SPDYA: variants seen among roughly 807,000 people sequenced by gnomAD.
SPDYA encodes speedy/RINGO cell cycle regulator family member A, also known as speedy protein A.
A neutral mutation model predicts 36.7 loss-of-function variants in SPDYA; 11 were observed. The ratio of observed to expected loss-of-function variants is 0.30; its 90% CI spans 0.19 to 0.50. The LOEUF (loss-of-function observed/expected upper bound fraction) is 0.50. SPDYA is among the 20% of genes least tolerant of loss of function. The pLI is 0.98. For synonymous variants in SPDYA, 115 were observed against 118.7 expected, an observed-to-expected ratio of 0.97 and a Z score of 0.20; for missense variants, 287 against 370.9, an observed-to-expected ratio of 0.77 and a Z score of 1.86.
chr2:28,840,767 G>A, intron 7 of SPDYA: 1 of 1,059,442 alleles, frequency 9.4e-7, no homozygotes, highest in Non-Finnish European at 1.1e-6. Flanking sequence ...ATTCAAAAGG[G>A]TTTCAAGAAG....
At chr2:28,840,001 G>A (rs1258366495) in intron 6 of SPDYA, among the ~76,000 whole-genome samples, 171 bp from the exon 7 acceptor site, 1 of 152,062 alleles carries the variant, frequency 6.6e-6, no homozygotes, top group Non-Finnish European at 1.5e-5. Context: ...CAAGCAATGA[G>A]TCACTTTTTA....
At chr2:28,826,720 T>G (rs1668333089) in intron 5 of SPDYA, among the ~76,000 whole-genome samples, 1 of 135,696 alleles carries the variant, frequency 7.4e-6, no homozygotes. Flanking sequence ...GATCAAGGGA[T>G]CCTCCCACCT....
intron 6 of SPDYA, among the ~76,000 whole-genome samples, chr2:28,831,236 T>C (rs748030874): frequency 1.5e-4 from 23 of 152,116 alleles, no homozygotes; most frequent in Admixed American, 3.3e-4. Flanking sequence ...TGCACACCTG[T>C]AGTCCCAGCT....
rs994637736 is a variant in SPDYA, at chr2:28,811,717, G to A, written c.-93+770G>A. On this transcript the variant is annotated intron_variant, in intron 1 of 7. Transcript: ENST00000334056. The surrounding 1 kb of genome is among the most constrained non-coding windows in gnomAD (Gnocchi z 4.2). ...CGCACTTGTAATCCCAGCTACTTGGGAGGCTGAGGCGGGAGAATCGCTTGA... is the reference window on the plus strand; with the variant it reads ...CGCACTTGTAATCCCAGCTACTTGGAAGGCTGAGGCGGGAGAATCGCTTGA... 1.3e-5 allele frequency among the ~76,000 whole-genome samples: 2 copies of A among 152,104 alleles called. No homozygotes were observed. The highest frequency in any genetic ancestry group is 2.9e-5 in the Non-Finnish European group (2 of 68,020).
chr2:28,848,707 A>G (rs1280769969), intron 7 of SPDYA, among the ~76,000 whole-genome samples: 1 of 152,214 alleles, frequency 6.6e-6, no homozygotes, highest in Non-Finnish European at 1.5e-5. Context: ...AGATAAATCT[A>G]GGAATGGTAG....
intron 7 of SPDYA, 177 bp from the exon 8 acceptor site, chr2:28,849,673 C>G: frequency 2.0e-6 from 1 of 502,792 alleles, no homozygotes; most frequent in Non-Finnish European, 3.5e-6. Context: ...ATTCAAGAGC[C>G]TGTTACATCT....
intron 7 of SPDYA, among the ~76,000 whole-genome samples, chr2:28,846,175 CGGGCAGATCACTTGA>C (rs1330620148): frequency 6.6e-6 from 1 of 152,050 alleles, no homozygotes; most frequent in Non-Finnish European, 1.5e-5. Context: ...GAGGCTGAAG[CGGGCAGATCACTTGA>C]GGTCAGGAGC....
At chr2:28,822,444 T>A in intron 5 of SPDYA, 34 bp downstream of exon 5, 3 of 1,146,072 alleles carry the variant, frequency 2.6e-6, no homozygotes, top group Non-Finnish European at 3.8e-6. Flanking sequence ...ATTGTTGTGT[T>A]ATCTATTATA....
chr2:28,849,293 CCAAA>C (rs1259527405), intron 7 of SPDYA, among the ~76,000 whole-genome samples: 1 of 152,028 alleles, frequency 6.6e-6, no homozygotes, highest in Non-Finnish European at 1.5e-5. Context: ...AATGTATTCC[CCAAA>C]CATTTTTTTT....
rs536732892 is a variant in SPDYA at position 28,840,724 on chromosome 2, G to A, written c.850+255G>A. On this transcript the variant is annotated intron_variant, in intron 7 of 7. Coordinates refer to ENST00000334056, the MANE Select transcript of SPDYA (RefSeq NM_182756.4). ...TGCACCATAAGCCTCAGTATTTTAAGAGCCTGAATCATTTTTTTGAAATGT... is the reference window on the plus strand; with the variant it reads ...TGCACCATAAGCCTCAGTATTTTAAAAGCCTGAATCATTTTTTTGAAATGT... 44 of 1,175,884 alleles carry A rather than the reference G, an allele frequency of 3.7e-5. No homozygotes were observed. In the African/African-American group the frequency reaches 6.8e-4, roughly 18 times the overall value. 72.8% of individuals were successfully genotyped at this position (1,175,884 alleles called of 1,614,324 possible).
chr2:28,821,228 C>T (rs1668154789), intron 4 of SPDYA, among the ~76,000 whole-genome samples: 1 of 109,390 alleles, frequency 9.1e-6, no homozygotes, highest in Non-Finnish European at 1.7e-5. Context: ...GAGATGGAGT[C>T]TCACTCTGTC....
intron 7 of SPDYA, among the ~76,000 whole-genome samples, chr2:28,845,480 T>C (rs1668850309): frequency 6.6e-6 from 1 of 152,164 alleles, no homozygotes; most frequent in Non-Finnish European, 1.5e-5. Flanking sequence ...AGTCTCGATA[T>C]ATAAATTTTC....
intron 6 of SPDYA, among the ~76,000 whole-genome samples, chr2:28,831,392 T>C (rs1354912013): frequency 6.6e-6 from 1 of 152,256 alleles, no homozygotes; most frequent in African/African-American, 2.4e-5. Context: ...GAAGCAAAAA[T>C]AGCAGTATTA....
chr2:28,837,742 CT>C (rs201687264), intron 6 of SPDYA, among the ~76,000 whole-genome samples: 47,934 of 127,438 alleles, frequency 0.38, 8,322 homozygotes, highest in Middle Eastern at 0.46. Context: ...AGAGTCAGTG[CT>C]TTTTTTTTTT....
At chr2:28,821,654 C>T (rs1214026318) in intron 4 of SPDYA, among the ~76,000 whole-genome samples, 1 of 152,144 alleles carries the variant, frequency 6.6e-6, no homozygotes, top group Non-Finnish European at 1.5e-5. Context: ...ACCTTTGTGG[C>T]AAATCCTGTT....
chr2:28,845,544 GTTTC>G (rs1392852746), intron 7 of SPDYA, among the ~76,000 whole-genome samples: 2 of 151,982 alleles, frequency 1.3e-5, no homozygotes, highest in Admixed American at 6.6e-5. Context: ...ATAATATTTT[GTTTC>G]TTTCTTTGTT....
In SPDYA at chr2:28,828,158, T is replaced by C. The variant is rs963166720; in HGVS notation, c.381-990T>C. Among the ~76,000 whole-genome samples the C allele has an allele frequency of 4.6e-5, 7 of 152,132 alleles. No homozygotes were observed. In the South Asian group the frequency reaches 1.5e-3, roughly 32 times the overall value. ...CAGGCCACCACGCCCAGCTAATGTTTGTATTTTTAGGAGAGATGGGGTTTC... is the reference window on the plus strand; with the variant it reads ...CAGGCCACCACGCCCAGCTAATGTTCGTATTTTTAGGAGAGATGGGGTTTC... On this transcript the variant is annotated intron_variant, in intron 5 of 7. Transcript: ENST00000334056.
intron 6 of SPDYA, among the ~76,000 whole-genome samples, chr2:28,838,824 T>C (rs773853303): frequency 6.6e-6 from 1 of 152,088 alleles, no homozygotes; most frequent in Non-Finnish European, 1.5e-5. Context: ...ATACAAAAAT[T>C]AGCTGGGCAT....
At chr2:28,825,772 C>G (rs541245492) in intron 5 of SPDYA, among the ~76,000 whole-genome samples, 1 of 152,030 alleles carries the variant, frequency 6.6e-6, no homozygotes, top group Non-Finnish European at 1.5e-5. Flanking sequence ...GGGTCTCACT[C>G]TGTCACCCAG....
Sources: gnomAD v4.1 joint callset for allele counts (sites outside exome capture counted in the v4.1 genomes callset) on GRCh38, gnomAD v4.1.1 for gene constraint, Gnocchi (gnomAD v3.1) non-coding constraint, MANE v1.5 for transcripts, NCBI Gene and HGNC (gene_info 2026-07-23, HGNC 2026-07-21) for gene names.